The following MACF1 variants were observed in gnomAD, a reference collection of about 807,000 sequenced individuals.
MACF1 encodes microtubule actin crosslinking factor 1.
MACF1 carries 193 observed loss-of-function variants against 854.8 expected under a neutral mutation model. The observed-to-expected ratio is 0.23, with a 90% CI of 0.20 to 0.25. MACF1 has a LOEUF of 0.25. Among genes scored for constraint, MACF1 ranks in the 10% least tolerant of loss-of-function variants. The probability of loss-of-function intolerance (pLI) is 1.00; values close to 1 mark genes in which losing one functional copy is unlikely to be tolerated. For synonymous variants in MACF1, 3,185 were observed against 3,226.7 expected (o/e 0.99, Z 0.44); for missense variants, 7,722 against 8,929.1 (o/e 0.86, Z 5.45).
chr1:39,161,682 T>C (rs920385782), intron 2 of MACF1, among the ~76,000 whole-genome samples: 4 of 151,624 alleles, frequency 2.6e-5, no homozygotes, highest in African/African-American at 7.3e-5. Flanking sequence ...CTGGCCAATA[T>C]GATGAAACTC....
chr1:39,209,273 C>G (rs1166815850), intron 1 of MACF1, among the ~76,000 whole-genome samples: 7 of 151,874 alleles, frequency 4.6e-5, no homozygotes, highest in African/African-American at 1.7e-4. Context: ...AAAGATGGCA[C>G]TAGCTGTAAA....
At chr1:39,234,814 TCAC>T (rs1195885860) in intron 2 of MACF1, among the ~76,000 whole-genome samples, 5 of 82,684 alleles carry the variant, frequency 6.0e-5, no homozygotes, top group Admixed American at 1.3e-4. Context: ...GAGATGCTCC[TCAC>T]CTCCCAGACG....
chr1:39,099,061 T>C (rs80228263), intron 2 of MACF1, among the ~76,000 whole-genome samples: 4,352 of 152,194 alleles, frequency 0.029, 113 homozygotes, highest in East Asian at 0.15. Flanking sequence ...CAGCTACTAT[T>C]GGGGAATATA....
At chr1:39,113,968 G>A (rs748637310) in intron 2 of MACF1, among the ~76,000 whole-genome samples, 3 of 151,888 alleles carry the variant, frequency 2.0e-5, no homozygotes, top group Non-Finnish European at 4.4e-5. Context: ...CCCAGGAGGT[G>A]GAGGTTGTAG....
At chr1:39,266,594 C>CTT (rs11406070) in intron 6 of MACF1, among the ~76,000 whole-genome samples, 4,985 of 57,992 alleles carry the variant, frequency 0.086, 309 homozygotes, top group East Asian at 0.14. Context: ...TGGTCTTTTC[C>CTT]TTTTTTTTTT....
At chr1:39,092,380 G>A (rs59732233) in intron 2 of MACF1, among the ~76,000 whole-genome samples, 9,880 of 152,012 alleles carry the variant, frequency 0.065, 547 homozygotes, top group East Asian at 0.15. Context: ...ACTGTGTAGA[G>A]TCCTAGATGG....
intron 2 of MACF1, among the ~76,000 whole-genome samples, chr1:39,133,252 C>T (rs910468878): frequency 3.9e-5 from 6 of 152,188 alleles, no homozygotes; most frequent in Non-Finnish European, 5.9e-5. Flanking sequence ...TGCTAACAAG[C>T]AGCGCCGCCT....
intron 84 of MACF1, among the ~76,000 whole-genome samples, chr1:39,450,618 T>TC (rs1165532466): frequency 2.0e-5 from 3 of 146,884 alleles, no homozygotes; most frequent in African/African-American, 5.0e-5. Flanking sequence ...TTCTTTTTTT[T>TC]TTTTTTTTTT....
chr1:39,263,780 T>TTTC (rs1645195891), intron 6 of MACF1, among the ~76,000 whole-genome samples: 1 of 136,118 alleles, frequency 7.3e-6, no homozygotes, highest in African/African-American at 2.8e-5. Context: ...TCTTTTTTTT[T>TTTC]TTTTTTTTTT....
rs776326737 is a variant in MACF1, at chr1:39,465,108, A to G, written c.21767A>G (p.Asn7256Ser). Residue 7256 changes from asparagine to serine, a missense_variant, in exon 95 of 101, where the codon AAT becomes AGT. By Grantham distance (46) the Asn-to-Ser change is conservative (BLOSUM62 1). Coordinates refer to ENST00000564288, the MANE Select transcript of MACF1 (RefSeq NM_001394062.1). ...TACTGTCTATAGTTCTTCCTCGGCA[A>G]TCAGGTACAGTGTGCCTTGCAATGT... Reference protein sequence around the residue: ...GENKYRFFLGNQFGDSQQLRL... With the variant: ...GENKYRFFLGSQFGDSQQLRL... 13 of 1,612,822 alleles carry G rather than the reference A, an allele frequency of 8.1e-6. No individual in the cohort carries two copies. The highest frequency in any genetic ancestry group is 2.2e-5 in the East Asian group (1 of 44,870).
At chr1:39,270,175 A>G (rs1645289820) in intron 6 of MACF1, among the ~76,000 whole-genome samples, 1 of 152,196 alleles carries the variant, frequency 6.6e-6, no homozygotes, top group African/African-American at 2.4e-5. Flanking sequence ...TCCTCACAGG[A>G]GAGTGATATT....
chr1:39,164,434 C>T (rs1170583936), intron 2 of MACF1, among the ~76,000 whole-genome samples: 1 of 152,190 alleles, frequency 6.6e-6, no homozygotes, highest in Non-Finnish European at 1.5e-5. Flanking sequence ...CCAGTTGGCT[C>T]AGATGTTTTA....
chr1:39,394,277 T>TGA lies in MACF1; in HGVS notation c.15816+5619_15816+5620insGA, dbSNP rs1468864358. Among the ~76,000 whole-genome samples, 61 of 124,242 alleles carry TGA rather than the reference T, an allele frequency of 4.9e-4. 1 individual carries two copies. Among genetic ancestry groups the TGA allele is most frequent in the African/African-American group, 1.2e-3 (29 of 24,422 alleles). 81.5% of individuals were successfully genotyped at this position (124,242 alleles called of 152,430 possible). ...TTGATTGATTGATTGATTGATTGAT[T>TGA]TATTGCCACATAGAAAGCAAGCTTA... On this transcript the variant is annotated intron_variant, in intron 58 of 100. Transcript: ENST00000564288.
rs956469675 is a variant in MACF1 at position 39,337,127 on chromosome 1, A to G, written c.10066-55A>G. 35 of 1,546,256 alleles carry G rather than the reference A, an allele frequency of 2.3e-5. No homozygotes were observed. The Admixed American group carries it at 6.9e-4, about 30-fold the overall frequency. On this transcript the variant is annotated intron_variant, in intron 37 of 100. Coordinates refer to ENST00000564288, the MANE Select transcript of MACF1 (RefSeq NM_001394062.1). ...TAACAAAAACCCCTGCCTGCTTTAA[A>G]GCTGACTTACAGGAGAACGTCAGAA...
At chr1:39,342,728 T>C (rs1266550370) in intron 40 of MACF1, among the ~76,000 whole-genome samples, 2 of 152,046 alleles carry the variant, frequency 1.3e-5, no homozygotes, top group Non-Finnish European at 1.5e-5. Context: ...CCATGTTGCG[T>C]AGAGTGGTCT....
chr1:39,157,897 G>A (rs903511392), intron 2 of MACF1, among the ~76,000 whole-genome samples: 5 of 152,042 alleles, frequency 3.3e-5, no homozygotes, highest in Admixed American at 6.6e-5. Flanking sequence ...TTGTAGAGAC[G>A]GGGTTTTGCC....
intron 2 of MACF1, among the ~76,000 whole-genome samples, chr1:39,155,964 T>C (rs1442370752): frequency 6.6e-6 from 1 of 152,024 alleles, no homozygotes; most frequent in Non-Finnish European, 1.5e-5. Context: ...CTAGGCTCAC[T>C]GCAAGCTTCG....
At chr1:39,190,404 T>TTTTTTTTTTTTTTTTTTTTTTG (rs1644239679) in intron 2 of MACF1, among the ~76,000 whole-genome samples, 1 of 135,884 alleles carries the variant, frequency 7.4e-6, no homozygotes, top group Non-Finnish European at 1.6e-5. Flanking sequence ...TGTTTTTGTT[T>TTTTTTTTTTTTTTTTTTTTTTG]TTTTTTTTTT....
chr1:39,405,094 GA>G (rs1418903539), intron 58 of MACF1, among the ~76,000 whole-genome samples: 1 of 152,152 alleles, frequency 6.6e-6, no homozygotes, highest in Non-Finnish European at 1.5e-5. Flanking sequence ...AGAGTGTGTG[GA>G]AAGTTTTCTC....
Sources: allele counts gnomAD v4.1 joint callset (sites outside exome capture counted in the v4.1 genomes callset), GRCh38; gene constraint gnomAD v4.1.1; transcripts MANE v1.5; gene names NCBI Gene and HGNC (gene_info 2026-07-23, HGNC 2026-07-21).